Variants in DIDO1 observed in about 807,000 individuals in gnomAD.
The protein encoded by DIDO1 is death-inducer obliterator 1.
DIDO1 carries 16 observed loss-of-function variants against 99.4 expected under a neutral mutation model. That is an observed-to-expected ratio of 0.16 (90% CI 0.11 to 0.24). The LOEUF (loss-of-function observed/expected upper bound fraction) is 0.24. Ranked by LOEUF, DIDO1 falls within the 10% of genes least tolerant of loss-of-function variation. The pLI is 1.00. For missense variants in DIDO1, 2,996 were observed against 3,014.0 expected (o/e 0.99, Z 0.14); for synonymous variants, 1,366 against 1,239.1 (o/e 1.10, Z -2.15).
intron 1 of DIDO1, among the ~76,000 whole-genome samples, chr20:62,926,158 C>G (rs1306905543): frequency 6.6e-6 from 1 of 152,122 alleles, no homozygotes; most frequent in African/African-American, 2.4e-5. Context: ...CCGCGACCAC[C>G]GAGTGCTCGC....
rs1006800637 is a variant in DIDO1 at position 62,878,582 on chromosome 20, T to TA, written c.*650dup. 3 of 152,250 alleles carry TA rather than the reference T, an allele frequency of 2.0e-5. No homozygotes were observed. Among genetic ancestry groups the TA allele is most frequent in the Non-Finnish European group, 4.4e-5 (3 of 68,042 alleles). 9.4% of individuals were successfully genotyped at this position (152,250 alleles called of 1,614,324 possible). A position where few individuals can be genotyped will look rare whatever the true frequency, so the allele number is the denominator to read the frequency against. ...TAACATTTTTCAATAAATTGTTATT[T>TA]AAAATGCAACAATTATACTAGGACA... On this transcript the variant is annotated 3_prime_UTR_variant, in exon 16 of 16. Coordinates refer to ENST00000395343, the MANE Select transcript of DIDO1 (RefSeq NM_001193369.2).
At chr20:62,918,130 G>A (rs1466660432) in intron 1 of DIDO1, among the ~76,000 whole-genome samples, 2 of 152,196 alleles carry the variant, frequency 1.3e-5, no homozygotes, top group Non-Finnish European at 2.9e-5. Context: ...ACAGTAAGCA[G>A]CCAAAAGTGA....
intron 1 of DIDO1, among the ~76,000 whole-genome samples, chr20:62,921,932 A>AAATATATATACACTATATATGTCCAC (rs2065147218): frequency 1.3e-5 from 2 of 149,404 alleles, no homozygotes; most frequent in African/African-American, 2.5e-5. Context: ...TATATGTCCA[A>AAATATATATACACTATATATGTCCAC]AATATATATA....
At chr20:62,931,594 A>C (rs2065332661) in intron 1 of DIDO1, among the ~76,000 whole-genome samples, 1 of 152,164 alleles carries the variant, frequency 6.6e-6, no homozygotes, top group East Asian at 1.9e-4. Flanking sequence ...ACCCGCGAAA[A>C]AGGGGAAACG....
rs138811075 is a variant in DIDO1, at chr20:62,896,781, C to T, written c.1804G>A (p.Ala602Thr). Residue 602 changes from alanine (A) to threonine (T), a missense_variant, in exon 7 of 16, where the codon GCT (alanine) becomes ACT (threonine). This residue lies in a region of DIDO1 where 898 missense variants were observed against 972.7 expected (regional missense o/e 0.92). Coordinates refer to ENST00000395343, the MANE Select transcript of DIDO1 (RefSeq NM_001193369.2). This position sits in a 1 kb window ranked among gnomAD's most constrained non-coding sequence, Gnocchi z 4.4. The part of the protein sequence containing the change: ...GTIPKRPWLS[A>T]TPSSGASAAR... ...GCTGAAGCACCACTCGATGGGGTAG[C>T]GGAGAGCCATGGCCTCTTGGGGATG... The T allele has an allele frequency of 1.5e-5, 25 of 1,613,964 alleles. No individual in the cohort carries two copies. The highest frequency in any genetic ancestry group is 6.7e-5 in the African/African-American group (5 of 74,946).
chr20:62,904,025 A>G (rs557587658), intron 6 of DIDO1, among the ~76,000 whole-genome samples: 42 of 152,254 alleles, frequency 2.8e-4, no homozygotes, highest in African/African-American at 7.9e-4. Context: ...CACAATGTAC[A>G]CGGACTCTTC....
At position 62,880,303 on chromosome 20, in the gene DIDO1, C is replaced by T. The variant is rs1281889786; in HGVS notation, c.5653G>A (p.Ala1885Thr). The change falls in exon 16 of 16, where the codon GCG becomes ACG. Residue 1885 changes from alanine to threonine, a missense_variant. Ala to Thr is a moderately conservative substitution (Grantham distance 58). Coordinates refer to ENST00000395343, the MANE Select transcript of DIDO1 (RefSeq NM_001193369.2). ...CTCTGGCCTCCGAACTGGAAAGGCG[C>T]GCCGCCTCTGCTTCCCAGAAATGGG... Reference protein sequence around the residue: ...QAPFLGSRGGAPFQFGGQRRP... With the variant: ...QAPFLGSRGGTPFQFGGQRRP... 5 of 1,612,768 alleles carry T rather than the reference C, an allele frequency of 3.1e-6. 1 individual carries two copies. Among genetic ancestry groups the T allele is most frequent in the Admixed American group, 3.3e-5 (2 of 60,038 alleles).
chr20:62,880,000 G>A lies in DIDO1; in HGVS notation c.5956C>T (p.Pro1986Ser). ...CCCCGTAGTCCACCAAACTGCAGGG[G>A]TGCAGGCGCCCTTTGGTTTGTGAAT... Reference protein sequence around the residue: ...PRFTNQRAPAPLQFGGLRGSA... With the variant: ...PRFTNQRAPASLQFGGLRGSA... The change falls in exon 16 of 16, where the codon CCC becomes TCC. Residue 1986 changes from proline to serine, a missense_variant. This residue lies in a region of DIDO1 where 1,562 missense variants were observed against 1,412.6 expected (regional missense o/e 1.11). Transcript: ENST00000395343. This position sits in a 1 kb window ranked among gnomAD's most constrained non-coding sequence, Gnocchi z 6.3. The A allele has an allele frequency of 6.2e-7, 1 of 1,612,116 alleles. No individual in the cohort carries two copies. Among genetic ancestry groups the A allele is most frequent in the South Asian group, 1.1e-5 (1 of 91,084 alleles).
intron 1 of DIDO1, among the ~76,000 whole-genome samples, chr20:62,914,889 AG>A (rs1432392423): frequency 6.6e-6 from 1 of 152,262 alleles, no homozygotes; most frequent in Non-Finnish European, 1.5e-5. Flanking sequence ...ATTAAAAACA[AG>A]AAAAATTTTA....
chr20:62,880,077 CT>C lies in DIDO1; in HGVS notation c.5878del (p.Arg1960GlyfsTer59). 2 of 1,612,084 alleles carry C rather than the reference CT, an allele frequency of 1.2e-6. No homozygotes were observed. The highest frequency in any genetic ancestry group is 1.7e-6 in the Non-Finnish European group (2 of 1,180,000). On this transcript the variant is annotated frameshift_variant, in exon 16 of 16. Transcript: ENST00000395343. LOFTEE classifies it low-confidence loss of function (END_TRUNC). ...GQAPNFMPGP[R>X]GIQPQQFEDQ... The stretch of plus-strand genomic sequence containing the variant: ...TTCGAACTGCTGAGGCTGAATGCCC[CT>C]GGGACCTGGCATAAAGTTAGGCGCT...
At position 62,907,363 on chromosome 20, in the gene DIDO1, C is replaced by CA. The variant is rs761446366; in HGVS notation, c.1162-5dup. On this transcript the variant is annotated splice_region_variant and splice_polypyrimidine_tract_variant and intron_variant, in intron 4 of 15. Transcript: ENST00000395343. ...AGGCACCAGGCGCCTCTATCACCTGCAGAACAAAACAGATGACTTCAAACA... is the reference window on the plus strand; with the variant it reads ...AGGCACCAGGCGCCTCTATCACCTGCAAGAACAAAACAGATGACTTCAAACA... The CA allele has an allele frequency of 6.2e-7, 1 of 1,612,786 alleles. No individual in the cohort carries two copies. The highest frequency in any genetic ancestry group is 8.5e-7 in the Non-Finnish European group (1 of 1,179,700).
At chr20:62,935,614 C>A (rs924711341) in intron 1 of DIDO1, among the ~76,000 whole-genome samples, 1 of 152,122 alleles carries the variant, frequency 6.6e-6, no homozygotes, top group Admixed American at 6.5e-5. Context: ...GAGAGCACAG[C>A]GATAACAAAG....
chr20:62,894,682 C>T lies in DIDO1; in HGVS notation c.2436+128G>A. On this transcript the variant is annotated intron_variant, in intron 10 of 15. Transcript: ENST00000395343. The surrounding 1 kb of genome is among the most constrained non-coding windows in gnomAD (Gnocchi z 4.4). ...AAAAAAGGACCATCTAATACAAGGA[C>T]TGAGGAATGCCACAATGACATACAC... 7.1e-7 allele frequency: 1 copy of T among 1,404,626 alleles called. No homozygotes were observed. Among genetic ancestry groups the T allele is most frequent in the Non-Finnish European group, 9.6e-7 (1 of 1,042,278 alleles). The allele number at this position is 1,404,626 out of a possible 1,614,324, so 87.0% of individuals were successfully genotyped here. A position where few individuals can be genotyped will look rare whatever the true frequency, so the allele number is the denominator to read the frequency against.
Position 62,879,696 on chromosome 20 carries a change from T to C in DIDO1, c.6260A>G (p.Gln2087Arg), listed in dbSNP as rs757022868. Residue 2087 changes from glutamine to arginine, a missense_variant, in exon 16 of 16, where the codon CAG (glutamine) becomes CGG (arginine). By Grantham distance (43) the Gln-to-Arg change is conservative. Around this residue, in one of 5 missense-constraint regions of DIDO1, gnomAD observed 1,562 missense variants for 1,412.6 expected, o/e 1.11. Transcript: ENST00000395343. The surrounding 1 kb of genome is among the most constrained non-coding windows in gnomAD (Gnocchi z 6.3). ...GGGCCCCACGTCAAACCGCTCTCTC[T>C]GCCTCCCTTCGAAAGTCTGGTTTCT... ...EYRNQTFEGRQRERFDVGPKE... is the reference protein window; with the variant it reads ...EYRNQTFEGRRRERFDVGPKE... 5 of 1,611,072 alleles carry C rather than the reference T, an allele frequency of 3.1e-6. No homozygotes were observed. In the Admixed American group the frequency reaches 8.3e-5, roughly 27 times the overall value.
Position 62,892,084 on chromosome 20 carries a change from G to A in DIDO1, c.3256-8C>T. The A allele has an allele frequency of 1.9e-6, 3 of 1,609,220 alleles. No individual in the cohort carries two copies. Among genetic ancestry groups the A allele is most frequent in the Non-Finnish European group, 2.5e-6 (3 of 1,178,702 alleles). ...AATTGTGTCAGGCAAATCCTAAACA[G>A]AAAGTACTTTGCGTAAATCACTTTG... On this transcript the variant is annotated splice_region_variant and splice_polypyrimidine_tract_variant and intron_variant, in intron 13 of 15. Transcript: ENST00000395343.
At position 62,907,214 on chromosome 20, in the gene DIDO1, T is replaced by C. The variant is rs758731690; in HGVS notation, c.1307A>G (p.Lys436Arg). 3 of 1,614,256 alleles carry C rather than the reference T, an allele frequency of 1.9e-6. No individual in the cohort carries two copies. The highest frequency in any genetic ancestry group is 1.1e-5 in the South Asian group (1 of 91,084). ...MKFLSSGKEQ[K>R]PKPKEKMKMK... is the part of the protein sequence containing the mutation. ...CTTCATCTTTTCTTTAGGCTTTGGC[T>C]TCTGTTCTTTACCTGAGCTTAGAAA... The change falls in exon 5 of 16, where the codon AAG (lysine) becomes AGG (arginine). Residue 436 changes from lysine (K) to arginine (R), a missense_variant. Transcript: ENST00000395343.
At chr20:62,925,989 G>T (rs1351593159) in intron 1 of DIDO1, among the ~76,000 whole-genome samples, 1 of 152,110 alleles carries the variant, frequency 6.6e-6, no homozygotes, top group Non-Finnish European at 1.5e-5. Context: ...CCCAAGGCCC[G>T]GGAGGAAGCG....
At chr20:62,924,243 T>G (rs760857607) in intron 1 of DIDO1, among the ~76,000 whole-genome samples, 1 of 150,678 alleles carries the variant, frequency 6.6e-6, no homozygotes, top group Non-Finnish European at 1.5e-5. Context: ...AGACTCTGTT[T>G]AGAGAGAATT....
In DIDO1 at chr20:62,893,662, G is replaced by A. The variant is rs548421280; in HGVS notation, c.3101+4C>T. 24 of 1,592,280 alleles carry A rather than the reference G, an allele frequency of 1.5e-5. No individual in the cohort carries two copies. Among genetic ancestry groups the A allele is most frequent in the South Asian group, 1.2e-4 (11 of 89,840 alleles). ...CTTGTTCAGACCACACCTGAAGTAC[G>A]CACCTGATATTTGGTGACGGAGGAA... On this transcript the variant is annotated splice_donor_region_variant and intron_variant, in intron 12 of 15. Transcript: ENST00000395343.
Sources: gnomAD v4.1 joint callset for allele counts (sites outside exome capture counted in the v4.1 genomes callset) on GRCh38, gnomAD v4.1.1 for gene constraint, gnomAD v4.1.1 regional missense constraint, Gnocchi (gnomAD v3.1) non-coding constraint, MANE v1.5 for transcripts, NCBI Gene and HGNC (gene_info 2026-07-23, HGNC 2026-07-21) for gene names.